The following STK11 variants were observed in gnomAD, a reference collection of about 807,000 sequenced individuals.
The protein encoded by STK11 is serine/threonine-protein kinase STK11.
In STK11, 8 loss-of-function variants were observed where a neutral mutation model predicts 47.3. The observed-to-expected ratio is 0.17, with a 90% confidence interval of 0.10 to 0.31. The LOEUF is 0.31. STK11 is among the 10% of genes least tolerant of loss of function. STK11 has a pLI of 1.00. For missense variants in STK11, 475 were observed against 605.0 expected, an observed-to-expected ratio of 0.79 and a Z score of 2.25; for synonymous variants, 330 against 255.8, an observed-to-expected ratio of 1.29 and a Z score of -2.77.
At chr19:1,210,128 TCCAGCCCCCTGGGTGCTG>T (rs2080699421) in intron 1 of STK11, among the ~76,000 whole-genome samples, 1 of 152,054 alleles carries the variant, frequency 6.6e-6, no homozygotes, top group Non-Finnish European at 1.5e-5. Context: ...CTGCATTTCC[TCCAGCCCCCTGGGTGCTG>T]CCAGGGGGTC....
At chr19:1,210,689 CCT>C (rs901677379) in intron 1 of STK11, among the ~76,000 whole-genome samples, 4 of 150,410 alleles carry the variant, frequency 2.7e-5, no homozygotes, top group African/African-American at 7.4e-5. Flanking sequence ...ATGGTGAAAC[CCT>C]GTCTCTACTA....
chr19:1,207,045 G>A lies in STK11; in HGVS notation c.132G>A (p.Lys44=). ...ACCAGCCGCGCCGCAAGCGGGCCAA[G>A]CTCATCGGCAAGTACCTGATGGGGG... ...VIYQPRRKRA[K]LIGKYLMGDL... The change falls in exon 1 of 10, where the codon AAG becomes AAA. Residue 44 remains lysine (K), a synonymous_variant. Transcript: ENST00000326873. 6.2e-7 allele frequency: 1 copy of A among 1,613,902 alleles called. No homozygotes were observed. Among genetic ancestry groups the A allele is most frequent in the South Asian group, 1.1e-5 (1 of 91,076 alleles).
At chr19:1,220,330 G>T in intron 3 of STK11, 43 bp from the exon 4 acceptor site, 1 of 1,576,296 alleles carries the variant, frequency 6.3e-7, no homozygotes, top group Non-Finnish European at 8.6e-7. Context: ...CCTGTGAGGG[G>T]CAGGGAGGCC....
Position 1,206,063 on chromosome 19 carries a change from G to GCGCCGCCC in STK11, c.-847_-840dup, listed in dbSNP as rs1555734515. 6.8e-6 allele frequency: 1 copy of GCGCCGCCC among 146,074 alleles called. No homozygotes were observed. The highest frequency in any genetic ancestry group is 1.5e-5 in the Non-Finnish European group (1 of 65,754). 9.0% of individuals were successfully genotyped at this position (146,074 alleles called of 1,614,324 possible). The stretch of plus-strand genomic sequence containing the variant: ...GGAGCCCCGTGGAGCCCCCGCCGCC[G>GCGCCGCCC]CGCCGCCCCGCGGACCGGACGCTGA... On this transcript the variant is annotated 5_prime_UTR_variant, in exon 1 of 10. It introduces an in-frame stop codon into an upstream open reading frame of the 5' UTR. Transcript: ENST00000326873.
chr19:1,223,051 G>A lies in STK11; in HGVS notation c.987G>A (p.Lys329=), dbSNP rs1555739210. The change falls in exon 8 of 10, where the codon AAG becomes AAA. Residue 329 remains lysine, a synonymous_variant. Transcript: ENST00000326873. ...PVPIPPSPDT[K]DRWRSMTVVP... is the part of the protein sequence containing the mutation. ...CCATCCCACCGAGCCCAGACACCAA[G>A]GACCGGTGGCGCAGCATGACTGTGG... 6.2e-7 allele frequency: 1 copy of A among 1,602,382 alleles called. No individual in the cohort carries two copies. Among genetic ancestry groups the A allele is most frequent in the Non-Finnish European group, 8.5e-7 (1 of 1,175,206 alleles).
rs372415613 is a variant in STK11, at chr19:1,221,652, A to G, written c.863-297A>G. 1.7e-5 allele frequency: 10 copies of G among 585,674 alleles called. No individual in the cohort carries two copies. In the African/African-American group the frequency reaches 1.9e-4, roughly 11 times the overall value. 36.3% of individuals were successfully genotyped at this position (585,674 alleles called of 1,614,324 possible). A position where few individuals can be genotyped will look rare whatever the true frequency, so the allele number is the denominator to read the frequency against. On this transcript the variant is annotated intron_variant, in intron 6 of 9. Transcript: ENST00000326873. ...TCAGGGTTGTCCTGCTGCACTTCCT[A>G]CGCATGGCAGCAGGTGGCACTGGCC... is the stretch of plus-strand genomic sequence containing the variant.
intron 8 of STK11, chr19:1,225,188 C>T: frequency 1.0e-6 from 1 of 985,406 alleles, no homozygotes; most frequent in Non-Finnish European, 1.2e-6. Flanking sequence ...GGCACCTTGT[C>T]CACAGGGTCT....
At chr19:1,212,040 A>T (rs752322320) in intron 1 of STK11, among the ~76,000 whole-genome samples, 6 of 112,340 alleles carry the variant, frequency 5.3e-5, no homozygotes, top group African/African-American at 2.2e-4. Flanking sequence ...GAGGGAGCTC[A>T]GGGGCTGGGC....
intron 8 of STK11, chr19:1,226,131 G>C (rs1599931699): frequency 1.3e-5 from 15 of 1,192,694 alleles, no homozygotes; most frequent in Non-Finnish European, 1.4e-5. Flanking sequence ...GGAGGGTCCT[G>C]CCTTGTCAGC....
Position 1,221,956 on chromosome 19 carries a change from T to G in STK11, c.870T>G (p.Leu290=), listed in dbSNP as rs876660056. Residue 290 remains leucine (L), a synonymous_variant, in exon 7 of 10, where the codon CTT becomes CTG. Transcript: ENST00000326873. The part of the protein sequence containing the change: ...PPLSDLLKGM[L]EYEPAKRFSI... ...TCGCCGGCTTCTCCTCAGGGATGCT[T>G]GAGTACGAACCGGCCAAGAGGTTCT... is the stretch of plus-strand genomic sequence containing the variant. 6.4e-7 allele frequency: 1 copy of G among 1,560,016 alleles called. No homozygotes were observed. Among genetic ancestry groups the G allele is most frequent in the Non-Finnish European group, 8.7e-7 (1 of 1,152,730 alleles).
chr19:1,224,284 A>AG (rs2080806416), intron 8 of STK11: 1 of 985,184 alleles, frequency 1.0e-6, no homozygotes, highest in South Asian at 4.7e-5. Flanking sequence ...CCAGGATCAC[A>AG]GGGTCTCAGC....
chr19:1,222,092 C>T (rs1055334158), intron 7 of STK11, 86 bp downstream of exon 7: 30 of 1,471,512 alleles, frequency 2.0e-5, no homozygotes, highest in African/African-American at 8.4e-5. Flanking sequence ...TAGAGCAGGG[C>T]GTGGTGGGGG....
intron 8 of STK11, chr19:1,225,780 C>T: frequency 1.0e-6 from 1 of 985,574 alleles, no homozygotes; most frequent in Non-Finnish European, 1.2e-6. Flanking sequence ...TTCGCGGAGT[C>T]CTCGCCAACC....
rs201256614 is a variant in STK11 at position 1,226,623 on chromosome 19, G to T, written c.1278G>T (p.Arg426=). 6.5e-7 allele frequency: 1 copy of T among 1,546,364 alleles called. No individual in the cohort carries two copies. The highest frequency in any genetic ancestry group is 1.2e-5 in the South Asian group (1 of 84,118). The change falls in exon 9 of 10, where the codon CGG becomes CGT. Residue 426 remains arginine, a synonymous_variant. Transcript: ENST00000326873. ...KACSASSKIR[R]LSACKQQ ...GCTCCGCCAGCAGCAAGATCCGCCG[G>T]CTGTCGGCCTGCAAGCAGCAGTGAG...
chr19:1,206,870 C>T lies in STK11; in HGVS notation c.-44C>T, dbSNP rs1380506532. The T allele has an allele frequency of 1.2e-5, 18 of 1,531,668 alleles. No individual in the cohort carries two copies. Among genetic ancestry groups the T allele is most frequent in the Admixed American group, 4.0e-5 (2 of 50,346 alleles). The allele number at this position is 1,531,668 out of a possible 1,614,324, so 94.9% of individuals were successfully genotyped here. The stretch of plus-strand genomic sequence containing the variant: ...AACACAAGGAAGGACCGCTCACCCG[C>T]GGACTCAGGGCTGGCGGCGGGACTC... On this transcript the variant is annotated 5_prime_UTR_variant, in exon 1 of 10. Coordinates refer to ENST00000326873, the MANE Select transcript of STK11 (RefSeq NM_000455.5).
chr19:1,226,619 G>C lies in STK11; in HGVS notation c.1274G>C (p.Arg425Pro), dbSNP rs730881992. 6.5e-7 allele frequency: 1 copy of C among 1,548,296 alleles called. No homozygotes were observed. The highest frequency in any genetic ancestry group is 8.7e-7 in the Non-Finnish European group (1 of 1,147,688). Residue 425 changes from arginine to proline, a missense_variant, in exon 9 of 10, where the codon CGC becomes CCC. By Grantham distance (103) the Arg-to-Pro change is moderately radical. This residue lies in a region of STK11 where 219 missense variants were observed against 189.2 expected (regional missense o/e 1.16). Coordinates refer to ENST00000326873, the MANE Select transcript of STK11 (RefSeq NM_000455.5). ...GCCTGCTCCGCCAGCAGCAAGATCCGCCGGCTGTCGGCCTGCAAGCAGCAG... is the reference window on the plus strand; with the variant it reads ...GCCTGCTCCGCCAGCAGCAAGATCCCCCGGCTGTCGGCCTGCAAGCAGCAG... ...RKACSASSKI[R>P]RLSACKQQ
At chr19:1,208,465 G>A (rs549000962) in intron 1 of STK11, among the ~76,000 whole-genome samples, 1 of 151,318 alleles carries the variant, frequency 6.6e-6, no homozygotes, top group Admixed American at 6.6e-5. Flanking sequence ...CCGCCACCAC[G>A]CCCGGCCAAT....
chr19:1,216,579 C>CA (rs968721946), intron 1 of STK11, among the ~76,000 whole-genome samples: 397 of 117,128 alleles, frequency 3.4e-3, no homozygotes, highest in East Asian at 0.013. Flanking sequence ...ACTCCGTCTC[C>CA]AAAAAAAAAA....
chr19:1,227,357 A>G (rs1283427923), intron 9 of STK11: 1 of 235,872 alleles, frequency 4.2e-6, no homozygotes, highest in Non-Finnish European at 7.6e-6. Flanking sequence ...CTGTCCCCCA[A>G]ATGGGTGCCC....
Sources: gnomAD v4.1 joint callset for allele counts (sites outside exome capture counted in the v4.1 genomes callset) on GRCh38, gnomAD v4.1.1 for gene constraint, gnomAD v4.1.1 regional missense constraint, MANE v1.5 for transcripts, NCBI Gene and HGNC (gene_info 2026-07-23, HGNC 2026-07-21) for gene names.